The following GALNTL6 variants were observed in gnomAD, a reference collection of about 807,000 sequenced individuals.
The protein encoded by GALNTL6 is polypeptide N-acetylgalactosaminyltransferase like 6, also known as polypeptide N-acetylgalactosaminyltransferase-like 6.
A neutral mutation model predicts 73.7 loss-of-function variants in GALNTL6; 46 were observed. The observed-to-expected ratio is 0.62, with a 90% CI of 0.49 to 0.80. The LOEUF (loss-of-function observed/expected upper bound fraction) is 0.80. Ranked by LOEUF, GALNTL6 falls within the 30% of genes least tolerant of loss-of-function variation. The pLI is 0.00. For missense variants in GALNTL6, 604 were observed against 755.0 expected (o/e 0.80, Z 2.34); for synonymous variants, 259 against 263.7 (o/e 0.98, Z 0.17).
At position 172,492,313 on chromosome 4, in the gene GALNTL6, A is replaced by G. The variant is rs369552789; in HGVS notation, c.553+143624A>G. On this transcript the variant is annotated intron_variant, in intron 5 of 12. Coordinates refer to ENST00000506823, the MANE Select transcript of GALNTL6 (RefSeq NM_001034845.3). The stretch of plus-strand genomic sequence containing the variant: ...AAAACCAATGAGATTTTTTGAAGGA[A>G]AAAAATTGAAAATGGAGATCATAAA... Among the ~76,000 whole-genome samples the G allele has an allele frequency of 5.3e-5, 8 of 152,244 alleles. No individual in the cohort carries two copies. The East Asian group carries it at 1.5e-3, about 29-fold the overall frequency.
At chr4:172,260,032 A>G (rs752614123) in intron 3 of GALNTL6, among the ~76,000 whole-genome samples, 1 of 151,282 alleles carries the variant, frequency 6.6e-6, no homozygotes, top group African/African-American at 2.4e-5. Context: ...TGAAGCCTCC[A>G]GATGTGTTCT....
intron 5 of GALNTL6, among the ~76,000 whole-genome samples, chr4:172,588,390 T>C (rs1579216983): frequency 6.6e-6 from 1 of 152,180 alleles, no homozygotes; most frequent in Non-Finnish European, 1.5e-5. Flanking sequence ...GGCCAGGATT[T>C]CGAGACCAGC....
At chr4:172,877,106 A>C (rs2111178527) in intron 7 of GALNTL6, among the ~76,000 whole-genome samples, 1 of 152,334 alleles carries the variant, frequency 6.6e-6, no homozygotes. Context: ...CCAAATTGGT[A>C]GTCTCCTTTA....
chr4:172,814,881 C>T (rs968939264), intron 7 of GALNTL6, among the ~76,000 whole-genome samples: 1 of 152,262 alleles, frequency 6.6e-6, no homozygotes, highest in East Asian at 1.9e-4. Context: ...GAAGCGCTCT[C>T]ATTAAATATC....
At chr4:171,872,241 G>A (rs1736157938) in intron 2 of GALNTL6, among the ~76,000 whole-genome samples, 1 of 152,162 alleles carries the variant, frequency 6.6e-6, no homozygotes, top group South Asian at 2.1e-4. Context: ...CTTGAATCAT[G>A]CCTGAAGCCG....
intron 3 of GALNTL6, among the ~76,000 whole-genome samples, chr4:172,302,380 C>A (rs1470086977): frequency 6.6e-6 from 1 of 152,142 alleles, no homozygotes; most frequent in African/African-American, 2.4e-5. Context: ...ACTGTTCTTC[C>A]CCCACTGTCC....
intron 5 of GALNTL6, among the ~76,000 whole-genome samples, chr4:172,501,494 C>A (rs1182184291): frequency 3.9e-5 from 6 of 152,010 alleles, no homozygotes; most frequent in African/African-American, 1.4e-4. Context: ...CTAAAAAAAT[C>A]AGTCTTAAAG....
intron 2 of GALNTL6, among the ~76,000 whole-genome samples, chr4:171,828,700 ACTT>A (rs762430787): frequency 1.1e-4 from 17 of 152,130 alleles, no homozygotes; most frequent in Non-Finnish European, 1.9e-4. Flanking sequence ...GCTTACTGCA[ACTT>A]CTTCTGCCTC....
intron 2 of GALNTL6, among the ~76,000 whole-genome samples, chr4:171,925,049 A>G (rs1057062235): frequency 6.6e-5 from 10 of 152,182 alleles, no homozygotes; most frequent in Non-Finnish European, 1.2e-4. Flanking sequence ...TGAAATGCGC[A>G]GGAAAACTAA....
intron 3 of GALNTL6, among the ~76,000 whole-genome samples, chr4:172,298,873 T>C (rs568004903): frequency 6.6e-6 from 1 of 152,344 alleles, no homozygotes; most frequent in South Asian, 2.1e-4. Context: ...AGGATGATGC[T>C]GGCCTCATGA....
chr4:172,546,797 C>CATATATATACGTATATATATAT (rs1411417146), intron 5 of GALNTL6, among the ~76,000 whole-genome samples: 1 of 36,684 alleles, frequency 2.7e-5, no homozygotes, highest in African/African-American at 8.8e-5. Flanking sequence ...TATATATATA[C>CATATATATACGTATATATATAT]GTATATATAC....
chr4:172,400,492 G>A (rs1294737874), intron 5 of GALNTL6, among the ~76,000 whole-genome samples: 2 of 152,124 alleles, frequency 1.3e-5, no homozygotes, highest in Non-Finnish European at 2.9e-5. Context: ...CCCAACAACT[G>A]TGACGTATGT....
intron 5 of GALNTL6, among the ~76,000 whole-genome samples, chr4:172,777,437 G>A (rs1052742516): frequency 3.3e-5 from 5 of 152,088 alleles, no homozygotes; most frequent in Non-Finnish European, 7.4e-5. Context: ...TCATTTGATA[G>A]GTCCAGATCT....
chr4:172,652,461 G>T (rs1310882460), intron 5 of GALNTL6, among the ~76,000 whole-genome samples: 3 of 152,182 alleles, frequency 2.0e-5, no homozygotes, highest in Non-Finnish European at 4.4e-5. Context: ...GGTGGGAAAA[G>T]CATGGCCTGA....
intron 3 of GALNTL6, among the ~76,000 whole-genome samples, chr4:172,267,553 C>A (rs899847271): frequency 1.3e-5 from 2 of 152,062 alleles, no homozygotes; most frequent in Non-Finnish European, 2.9e-5. Flanking sequence ...TAATTGGTGT[C>A]TCTAGCACCA....
At chr4:172,476,890 A>G (rs1733253929) in intron 5 of GALNTL6, among the ~76,000 whole-genome samples, 1 of 151,030 alleles carries the variant, frequency 6.6e-6, no homozygotes, top group Non-Finnish European at 1.5e-5. Flanking sequence ...TATTTTAACT[A>G]TATCAAACAA....
At chr4:172,406,484 A>G (rs914098414) in intron 5 of GALNTL6, among the ~76,000 whole-genome samples, 26 of 152,034 alleles carry the variant, frequency 1.7e-4, no homozygotes, top group African/African-American at 6.0e-4. Context: ...TCCCTTTTAT[A>G]CTGAGAACTA....
chr4:172,024,150 A>C (rs1741484187), intron 2 of GALNTL6, among the ~76,000 whole-genome samples: 1 of 151,812 alleles, frequency 6.6e-6, no homozygotes, highest in Non-Finnish European at 1.5e-5. Flanking sequence ...TTAGATATTT[A>C]ATTTTGTTCT....
intron 5 of GALNTL6, among the ~76,000 whole-genome samples, chr4:172,779,415 A>C (rs1301625941): frequency 1.3e-5 from 2 of 152,156 alleles, no homozygotes; most frequent in African/African-American, 2.4e-5. Flanking sequence ...GCTTATCGGC[A>C]GGGAGGGGTT....
Sources: allele counts gnomAD v4.1 joint callset (sites outside exome capture counted in the v4.1 genomes callset), GRCh38; gene constraint gnomAD v4.1.1; transcripts MANE v1.5; gene names NCBI Gene and HGNC (gene_info 2026-07-23, HGNC 2026-07-21).